Variants in CES5A observed in about 807,000 individuals in gnomAD.
CES5A encodes the protein carboxylesterase 5.
Under a neutral mutation model 62.9 loss-of-function variants are expected in CES5A, and 67 were observed. The observed-to-expected ratio is 1.07, with a 90% CI of 0.88 to 1.31. The LOEUF is 1.31. Among genes scored for constraint, CES5A ranks in the 50% most tolerant of loss-of-function variants. The pLI is 0.00. For missense variants in CES5A, 748 were observed against 708.5 expected (o/e 1.06, Z -0.63); for synonymous variants, 296 against 280.8 (o/e 1.05, Z -0.54).
At position 55,846,602 on chromosome 16, in the gene CES5A, C is replaced by T. The variant is rs2033015746; in HGVS notation, c.1577G>A (p.Ser526Asn). 1 of 1,614,032 alleles carries T rather than the reference C, an allele frequency of 6.2e-7. No individual in the cohort carries two copies. Among genetic ancestry groups the T allele is most frequent in the Admixed American group, 1.7e-5 (1 of 59,996 alleles). Residue 526 changes from serine (S) to asparagine (N), a missense_variant, in exon 13 of 13, where the codon AGC becomes AAC. Physicochemically the swap from Ser to Asn is conservative, Grantham distance 46 (BLOSUM62 1). Coordinates refer to ENST00000290567, the MANE Select transcript of CES5A (RefSeq NM_001143685.2). ...CGGTTCTTTGAGTCTCTGTCCGAGGCTCATGTTCAAGTCCAGCTGGAGGTA... is the reference window on the plus strand; with the variant it reads ...CGGTTCTTTGAGTCTCTGTCCGAGGTTCATGTTCAAGTCCAGCTGGAGGTA... Reference protein sequence around the residue: ...EQYLQLDLNMSLGQRLKEPRV... With the variant: ...EQYLQLDLNMNLGQRLKEPRV...
At chr16:55,847,498 A>G (rs1449674859) in intron 11 of CES5A, among the ~76,000 whole-genome samples, 3 of 152,154 alleles carry the variant, frequency 2.0e-5, no homozygotes, top group Admixed American at 2.0e-4. Flanking sequence ...CTAATATCCA[A>G]TGAAAATGTT....
chr16:55,892,705 C>A, intron 1 of CES5A, among the ~76,000 whole-genome samples: 1 of 144,494 alleles, frequency 6.9e-6, no homozygotes, highest in East Asian at 2.0e-4. Context: ...AGCTCACACT[C>A]TAACAACAAC....
chr16:55,906,982 C>T lies in CES5A; in HGVS notation c.-256+18341G>A, dbSNP rs188388648. On this transcript the variant is annotated intron_variant, in intron 1 of 12. Transcript: ENST00000518005. ...TGAAATGGAGAGGAATAGTCTCTGCCCATAGGGTTGTTGTAAAGATTAAAA... is the reference window on the plus strand; with the variant it reads ...TGAAATGGAGAGGAATAGTCTCTGCTCATAGGGTTGTTGTAAAGATTAAAA... 1.8e-3 allele frequency among the ~76,000 whole-genome samples: 280 copies of T among 152,208 alleles called. 2 individuals carry two copies. The highest frequency in any genetic ancestry group is 6.6e-3 in the African/African-American group (275 of 41,544).
chr16:55,872,073 CAT>C (rs1480346598), intron 2 of CES5A, among the ~76,000 whole-genome samples: 3 of 152,216 alleles, frequency 2.0e-5, no homozygotes, highest in Non-Finnish European at 4.4e-5. Context: ...TATAGACACA[CAT>C]AACGACCCAA....
chr16:55,849,641 C>G lies in CES5A; in HGVS notation c.1406G>C (p.Gly469Ala). 1 of 1,613,932 alleles carries G rather than the reference C, an allele frequency of 6.2e-7. No individual in the cohort carries two copies. The highest frequency in any genetic ancestry group is 8.5e-7 in the Non-Finnish European group (1 of 1,179,882). ...RFVFGGAFLK[G>A]DIVMFEGATE... ...TCCCTTACCGAACATAACAATGTCC[C>G]CCTTCAGGAAGGCACCACCGAACAC... Residue 469 changes from glycine to alanine, a missense_variant, in exon 11 of 13, where the codon GGG becomes GCG. Gly to Ala is a moderately conservative substitution (Grantham distance 60). Transcript: ENST00000290567.
chr16:55,895,022 A>G lies in CES5A; in HGVS notation c.-255-20985T>C, dbSNP rs377638260. Among the ~76,000 whole-genome samples the G allele has an allele frequency of 1.3e-4, 20 of 152,320 alleles. No homozygotes were observed. In the South Asian group the frequency reaches 3.9e-3, roughly 30 times the overall value. On this transcript the variant is annotated intron_variant, in intron 1 of 12. Coordinates refer to the CES5A transcript ENST00000518005. ...AGAAGACCACGTGCTTGCCAAAAGT[A>G]GAGAGCACATTCAGAAAAAACCTGT...
chr16:55,902,225 G>A (rs12325467), intron 1 of CES5A, among the ~76,000 whole-genome samples: 9,873 of 152,206 alleles, frequency 0.065, 442 homozygotes, highest in Non-Finnish European at 0.092. Flanking sequence ...CTCTAATGAT[G>A]ACTGCATTTG....
Position 55,854,532 on chromosome 16 carries a change from T to TTTCTGTTTTCTTTCTTTTTGTTTTTTC in CES5A, c.1126-1505_1126-1504insGAAAAAACAAAAAGAAAGAAAACAGAA, listed in dbSNP as rs1491341397. Among the ~76,000 whole-genome samples the TTTCTGTTTTCTTTCTTTTTGTTTTTTC allele has an allele frequency of 1.2e-4, 7 of 59,122 alleles. 1 individual carries two copies. The highest frequency in any genetic ancestry group is 2.0e-4 in the Non-Finnish European group (6 of 29,610). The allele number at this position is 59,122 out of a possible 152,430, so 38.8% of individuals were successfully genotyped here. On this transcript the variant is annotated intron_variant, in intron 9 of 12. Coordinates refer to ENST00000290567, the MANE Select transcript of CES5A (RefSeq NM_001143685.2). Reference sequence around the variant, plus strand: ...GAGGGATATCTGCCTGTAGTGTTTCTTTTTTTTTTTTCTTTTTTTTTTTTT... The same window carrying TTTCTGTTTTCTTTCTTTTTGTTTTTTC: ...GAGGGATATCTGCCTGTAGTGTTTCTTTCTGTTTTCTTTCTTTTTGTTTTTTCTTTTTTTTTTTCTTTTTTTTTTTTT...
intron 1 of CES5A, among the ~76,000 whole-genome samples, chr16:55,894,474 G>A (rs2033911162): frequency 7.0e-6 from 1 of 142,302 alleles, no homozygotes; most frequent in Non-Finnish European, 1.5e-5. Context: ...ACTCCAGCCT[G>A]GGAGACAGTG....
At chr16:55,919,376 T>C (rs6499802) in intron 1 of CES5A, among the ~76,000 whole-genome samples, 35,419 of 152,236 alleles carry the variant, frequency 0.23, 5,174 homozygotes, top group Non-Finnish European at 0.33. Context: ...ATTAGTTTCA[T>C]GTCCATTGCC....
In CES5A at chr16:55,943,942, A is replaced by T. The variant is rs910476461; in HGVS notation, c.160+5843T>A. On this transcript the variant is annotated intron_variant, in intron 2 of 13. Transcript: ENST00000521992. ...GTCTAGAGCTGAAGGGGCAGTATTC[A>T]TCTTCTTCTGAAACCTCCCATATGA... 2.3e-5 allele frequency: 16 copies of T among 684,084 alleles called. No homozygotes were observed. In the African/African-American group the frequency reaches 2.8e-4, roughly 12 times the overall value. 42.4% of individuals were successfully genotyped at this position (684,084 alleles called of 1,614,324 possible). A position where few individuals can be genotyped will look rare whatever the true frequency, so the allele number is the denominator to read the frequency against.
chr16:55,895,653 C>G (rs2033924518), intron 1 of CES5A, among the ~76,000 whole-genome samples: 1 of 152,140 alleles, frequency 6.6e-6, no homozygotes, highest in Non-Finnish European at 1.5e-5. Context: ...AAGCTCATAG[C>G]TGGACTTTGG....
intron 8 of CES5A, among the ~76,000 whole-genome samples, chr16:55,856,842 T>C (rs1374803384): frequency 1.3e-5 from 2 of 152,214 alleles, no homozygotes; most frequent in South Asian, 4.1e-4. Flanking sequence ...TGGGTCCTAA[T>C]CCAATCTGGC....
intron 2 of CES5A, among the ~76,000 whole-genome samples, chr16:55,933,199 T>C (rs2034332463): frequency 6.6e-6 from 1 of 152,224 alleles, no homozygotes; most frequent in African/African-American, 2.4e-5. Flanking sequence ...GGAAGTGTCA[T>C]GTGTCACTTC....
upstream of CES5A, among the ~76,000 whole-genome samples, chr16:55,926,270 A>G (rs1419237180): frequency 6.6e-6 from 1 of 152,232 alleles, no homozygotes; most frequent in Non-Finnish European, 1.5e-5. Context: ...TTTTTAAAAA[A>G]GAATAGAAAA....
In CES5A at chr16:55,902,364, A is replaced by C. The variant is rs529756314; in HGVS notation, c.-256+22959T>G. Reference sequence around the variant, plus strand: ...CCCCCCACAAGTTATTACAATCCCCACAAGTTATTACTCATCCCCACAAGT... The same window carrying C: ...CCCCCCACAAGTTATTACAATCCCCCCAAGTTATTACTCATCCCCACAAGT... On this transcript the variant is annotated intron_variant, in intron 1 of 12. Coordinates refer to the CES5A transcript ENST00000518005. Among the ~76,000 whole-genome samples the C allele has an allele frequency of 5.3e-5, 8 of 152,192 alleles. No homozygotes were observed. In the South Asian group the frequency reaches 1.5e-3, roughly 28 times the overall value.
At chr16:55,947,125 G>A (rs558201220) in intron 2 of CES5A, among the ~76,000 whole-genome samples, 17 of 152,284 alleles carry the variant, frequency 1.1e-4, no homozygotes, top group African/African-American at 3.4e-4. Context: ...GAGGGACCCC[G>A]GGGAAGTTAG....
chr16:55,855,488 G>A (rs2033222133), intron 9 of CES5A, among the ~76,000 whole-genome samples: 3 of 152,188 alleles, frequency 2.0e-5, no homozygotes, highest in Admixed American at 6.5e-5. Context: ...CTGATGCCTG[G>A]CTGGTGTGTA....
Position 55,866,077 on chromosome 16 carries a change from C to A in CES5A, c.591G>T (p.Lys197Asn). 1 of 1,614,050 alleles carries A rather than the reference C, an allele frequency of 6.2e-7. No individual in the cohort carries two copies. The highest frequency in any genetic ancestry group is 8.5e-7 in the Non-Finnish European group (1 of 1,179,954). ...CCCAGGACAGAGCAGCCACCTGGTC[C>A]TTGAAGGCCCAGTTCCCCGGAGCAT... ...DQHAPGNWAF[K>N]DQVAALSWVQ... Residue 197 changes from lysine (K) to asparagine (N), a missense_variant, in exon 5 of 13, where the codon AAG (lysine) becomes AAT (asparagine). Lys to Asn is a moderately conservative substitution (Grantham distance 94, BLOSUM62 0). Coordinates refer to ENST00000290567, the MANE Select transcript of CES5A (RefSeq NM_001143685.2).
Sources: gnomAD v4.1 joint callset for allele counts (sites outside exome capture counted in the v4.1 genomes callset) on GRCh38, gnomAD v4.1.1 for gene constraint, MANE v1.5 for transcripts, NCBI Gene and HGNC (gene_info 2026-07-23, HGNC 2026-07-21) for gene names.